The following MAN1C1 variants were observed in gnomAD, a reference collection of about 807,000 sequenced individuals.
MAN1C1 encodes the protein mannosidase alpha class 1C member 1, also known as mannosyl-oligosaccharide 1,2-alpha-mannosidase IC.
A neutral mutation model predicts 71.5 loss-of-function variants in MAN1C1; 49 were observed. That is an observed-to-expected ratio of 0.69 (90% CI 0.54 to 0.87). The LOEUF is 0.87. Ranked by LOEUF, MAN1C1 falls within the 40% of genes least tolerant of loss-of-function variation. The pLI is 0.00. For synonymous variants in MAN1C1, 352 were observed against 343.7 expected, an observed-to-expected ratio of 1.02 and a Z score of -0.27; for missense variants, 743 against 835.0, an observed-to-expected ratio of 0.89 and a Z score of 1.36.
chr1:25,740,631 T>C (rs1372963563), intron 2 of MAN1C1, among the ~76,000 whole-genome samples: 1 of 151,908 alleles, frequency 6.6e-6, no homozygotes, highest in East Asian at 1.9e-4. Flanking sequence ...AGAGACGGGG[T>C]TTCACTGTGT....
At chr1:25,648,396 C>A (rs927972200) in intron 1 of MAN1C1, among the ~76,000 whole-genome samples, 5 of 152,212 alleles carry the variant, frequency 3.3e-5, no homozygotes, top group Admixed American at 1.3e-4. Flanking sequence ...TTTTCCCACC[C>A]TCTCTTTGTT....
chr1:25,634,578 G>A lies in MAN1C1; in HGVS notation c.540+16241G>A, dbSNP rs2124755770. Among the ~76,000 whole-genome samples, 1 of 152,318 alleles carries A rather than the reference G, an allele frequency of 6.6e-6. No homozygotes were observed. The highest frequency in any genetic ancestry group is 1.9e-4 in the East Asian group (1 of 5,190). On this transcript the variant is annotated intron_variant, in intron 1 of 11. Transcript: ENST00000374332. The surrounding 1 kb of genome is among the most constrained non-coding windows in gnomAD (Gnocchi z 4.6). ...CTCACACCTGTAATCCTAGCACTTT[G>A]AGAGGCTGAGGTGGGAGGATTGCCT...
intron 2 of MAN1C1, among the ~76,000 whole-genome samples, chr1:25,691,110 A>T (rs2046303153): frequency 6.6e-6 from 1 of 152,198 alleles, no homozygotes; most frequent in African/African-American, 2.4e-5. Flanking sequence ...TGAGGTCAGG[A>T]GTTCGAGACA....
intron 1 of MAN1C1, among the ~76,000 whole-genome samples, chr1:25,655,661 C>A (rs1014727830): frequency 6.6e-6 from 1 of 152,132 alleles, no homozygotes; most frequent in Non-Finnish European, 1.5e-5. Context: ...TGCTTTCTCT[C>A]CTTGTGTCTC....
At chr1:25,621,433 C>A (rs1186070207) in intron 1 of MAN1C1, among the ~76,000 whole-genome samples, 1 of 152,088 alleles carries the variant, frequency 6.6e-6, no homozygotes, top group African/African-American at 2.4e-5. Context: ...CCTTTCAGAT[C>A]TGAGGATAAT....
chr1:25,747,911 T>TA (rs1476512773), intron 3 of MAN1C1, among the ~76,000 whole-genome samples: 16 of 151,762 alleles, frequency 1.1e-4, no homozygotes, highest in Non-Finnish European at 1.0e-4. Flanking sequence ...TGAAGTCTGA[T>TA]ACTGATGTAA....
At chr1:25,638,751 C>A (rs930873069) in intron 1 of MAN1C1, among the ~76,000 whole-genome samples, 3 of 152,110 alleles carry the variant, frequency 2.0e-5, no homozygotes, top group African/African-American at 4.8e-5. Flanking sequence ...ACAGGATATT[C>A]CCCTGCATGT....
rs1557734989 is a variant in MAN1C1 at position 25,617,867 on chromosome 1, C to T, written c.70C>T (p.Leu24Phe). 6.2e-7 allele frequency: 1 copy of T among 1,607,986 alleles called. No homozygotes were observed. Among genetic ancestry groups the T allele is most frequent in the Non-Finnish European group, 8.5e-7 (1 of 1,178,070 alleles). ...PWGLRLPQKF[L>F]FLLFLSGLVT... ...GGGGCTGCGGCTGCCGCAGAAGTTC[C>T]TCTTCCTCCTCTTCCTCTCGGGCCT... Residue 24 changes from leucine (L) to phenylalanine (F), a missense_variant, in exon 1 of 12, where the codon CTC becomes TTC. By Grantham distance (22) the Leu-to-Phe change is conservative (BLOSUM62 0). Coordinates refer to ENST00000374332, the MANE Select transcript of MAN1C1 (RefSeq NM_020379.4). The surrounding 1 kb of genome is among the most constrained non-coding windows in gnomAD (Gnocchi z 5.1).
At chr1:25,683,415 A>G (rs1476288963) in intron 1 of MAN1C1, among the ~76,000 whole-genome samples, 3 of 152,218 alleles carry the variant, frequency 2.0e-5, no homozygotes, top group Admixed American at 2.0e-4. Context: ...TCCAGAGCCA[A>G]TTCAGCAAAT....
intron 1 of MAN1C1, among the ~76,000 whole-genome samples, chr1:25,627,287 T>TTCTTCTCTTC (rs59306066): frequency 4.6e-5 from 7 of 151,770 alleles, no homozygotes; most frequent in East Asian, 1.9e-4. Context: ...TTGTCTTCTC[T>TTCTTCTCTTC]TCTTCTCTTC....
intron 1 of MAN1C1, among the ~76,000 whole-genome samples, chr1:25,670,150 C>T (rs2045974573): frequency 1.3e-5 from 2 of 152,214 alleles, no homozygotes; most frequent in African/African-American, 4.8e-5. Flanking sequence ...CCTGTAAGCC[C>T]CAAAGGCTCT....
At chr1:25,632,387 C>A (rs980647299) in intron 1 of MAN1C1, among the ~76,000 whole-genome samples, 1 of 152,040 alleles carries the variant, frequency 6.6e-6, no homozygotes, top group African/African-American at 2.4e-5. Context: ...TTAGTTGAAT[C>A]TTCTTTTTTT....
intron 1 of MAN1C1, among the ~76,000 whole-genome samples, chr1:25,627,824 G>A (rs937101823): frequency 1.8e-4 from 27 of 150,664 alleles, no homozygotes; most frequent in Non-Finnish European, 3.4e-4. Flanking sequence ...ATTGAGCCCA[G>A]GAGTTCCAGA....
chr1:25,636,026 G>A (rs1341366112), intron 1 of MAN1C1, among the ~76,000 whole-genome samples: 2 of 152,168 alleles, frequency 1.3e-5, no homozygotes, highest in East Asian at 3.9e-4. Context: ...AGACCAGCAA[G>A]TTGTTATTAA....
intron 1 of MAN1C1, among the ~76,000 whole-genome samples, chr1:25,674,773 T>TG (rs5773131): frequency 1 from 152,281 of 152,282 alleles, 76,140 homozygotes; most frequent in Middle Eastern, 1. Context: ...GGTGACTTCC[T>TG]GGGCCTGATG....
In MAN1C1 at chr1:25,618,096, C is replaced by A; in HGVS notation, c.299C>A (p.Ala100Asp). The A allele has an allele frequency of 1.3e-6, 2 of 1,510,808 alleles. No homozygotes were observed. Among genetic ancestry groups the A allele is most frequent in the South Asian group, 1.2e-5 (1 of 80,680 alleles). 93.6% of individuals were successfully genotyped at this position (1,510,808 alleles called of 1,614,324 possible). Residue 100 changes from alanine (A) to aspartate (D), a missense_variant, in exon 1 of 12, where the codon GCC becomes GAC. By Grantham distance (126) the Ala-to-Asp change is moderately radical. Coordinates refer to ENST00000374332, the MANE Select transcript of MAN1C1 (RefSeq NM_020379.4). ...APGEDDPSSW[A>D]SPRRRKGGLR... ...GGCGAGGATGACCCCAGCAGCTGGG[C>A]CAGTCCCCGCCGCAGGAAAGGGGGG...
At chr1:25,667,357 G>A (rs554755985) in intron 1 of MAN1C1, among the ~76,000 whole-genome samples, 1 of 151,640 alleles carries the variant, frequency 6.6e-6, no homozygotes, top group Non-Finnish European at 1.5e-5. Flanking sequence ...GGTGGCAGGT[G>A]CCTGTAATCC....
At chr1:25,627,426 C>G (rs1159400035) in intron 1 of MAN1C1, among the ~76,000 whole-genome samples, 3 of 152,176 alleles carry the variant, frequency 2.0e-5, no homozygotes, top group Non-Finnish European at 4.4e-5. Context: ...AGGCATGAGC[C>G]ACCACGCCCA....
chr1:25,768,689 T>C (rs1572208455), intron 7 of MAN1C1, among the ~76,000 whole-genome samples: 1 of 70,474 alleles, frequency 1.4e-5, no homozygotes, highest in Admixed American at 1.9e-4. Flanking sequence ...ACATCCACGC[T>C]CCCTTAACAC....
Sources: gnomAD v4.1 joint callset for allele counts (sites outside exome capture counted in the v4.1 genomes callset) on GRCh38, gnomAD v4.1.1 for gene constraint, Gnocchi (gnomAD v3.1) non-coding constraint, MANE v1.5 for transcripts, NCBI Gene and HGNC (gene_info 2026-07-23, HGNC 2026-07-21) for gene names.